Variants in TMEM242 observed in about 807,000 individuals in gnomAD.
TMEM242 encodes the protein UPF0463 transmembrane protein C6orf35.
In TMEM242, 10 loss-of-function variants were observed where a neutral mutation model predicts 18.2. The ratio of observed to expected loss-of-function variants is 0.55; its 90% confidence interval spans 0.34 to 0.93. The LOEUF (loss-of-function observed/expected upper bound fraction) is 0.93. TMEM242 is among the 40% of genes least tolerant of loss of function. TMEM242 has a pLI of 0.02. For missense variants in TMEM242, 186 were observed against 175.5 expected, an observed-to-expected ratio of 1.06 and a Z score of -0.34; for synonymous variants, 57 against 69.9, an observed-to-expected ratio of 0.81 and a Z score of 0.92.
At chr6:157,322,918 CTT>C (rs1778518732) in intron 1 of TMEM242, 113 bp from the exon 2 acceptor site, 9 of 908,836 alleles carry the variant, frequency 9.9e-6, no homozygotes, top group Non-Finnish European at 1.5e-5. Context: ...ATCAAAATCA[CTT>C]TTGAAATTCA....
At chr6:157,312,960 C>G (rs200277846) in intron 3 of TMEM242, among the ~76,000 whole-genome samples, 2 of 152,190 alleles carry the variant, frequency 1.3e-5, no homozygotes, top group African/African-American at 4.8e-5. Flanking sequence ...CCGGCCTCAT[C>G]ATAGTGCCTC....
At chr6:157,295,146 A>G (rs1405393835) in intron 3 of TMEM242, among the ~76,000 whole-genome samples, 2 of 152,214 alleles carry the variant, frequency 1.3e-5, no homozygotes, top group Admixed American at 6.5e-5. Context: ...TTTAGTTTAC[A>G]TATTCTGTCA....
chr6:157,298,464 G>C (rs1777780856), intron 3 of TMEM242, among the ~76,000 whole-genome samples: 1 of 152,112 alleles, frequency 6.6e-6, no homozygotes, highest in South Asian at 2.1e-4. Context: ...AAATGATCCT[G>C]CTTCACTGGT....
chr6:157,316,821 G>A (rs1554250382), intron 3 of TMEM242, among the ~76,000 whole-genome samples: 1 of 152,160 alleles, frequency 6.6e-6, no homozygotes. Flanking sequence ...AGTGAGCTGA[G>A]GTCACACCAC....
At chr6:157,312,091 C>CAG (rs1778152892) in intron 3 of TMEM242, among the ~76,000 whole-genome samples, 1 of 115,306 alleles carries the variant, frequency 8.7e-6, no homozygotes, top group Non-Finnish European at 1.8e-5. Flanking sequence ...ACATAGTGCC[C>CAG]TAGTGTCCCC....
chr6:157,316,281 C>A (rs1554250326), intron 3 of TMEM242, among the ~76,000 whole-genome samples: 1 of 152,134 alleles, frequency 6.6e-6, no homozygotes, highest in African/African-American at 2.4e-5. Context: ...TTGACACTGC[C>A]AATCACATGT....
At chr6:157,317,631 C>T (rs980037102) in intron 3 of TMEM242, among the ~76,000 whole-genome samples, 15 of 152,166 alleles carry the variant, frequency 9.9e-5, no homozygotes, top group African/African-American at 3.6e-4. Flanking sequence ...CCCTAACTCT[C>T]AACTTCTATA....
chr6:157,300,780 T>C (rs1261838668), intron 3 of TMEM242, among the ~76,000 whole-genome samples: 1 of 152,216 alleles, frequency 6.6e-6, no homozygotes, highest in Non-Finnish European at 1.5e-5. Context: ...TTTCTCATGC[T>C]AGAGGAAAGC....
chr6:157,318,968 A>G, intron 2 of TMEM242, 49 bp from the exon 3 acceptor site: 1 of 1,532,206 alleles, frequency 6.5e-7, no homozygotes. Context: ...TGCAGAAAGA[A>G]TAAGCATTCT....
At chr6:157,311,417 T>A (rs1554248778) in intron 3 of TMEM242, among the ~76,000 whole-genome samples, 7 of 127,136 alleles carry the variant, frequency 5.5e-5, no homozygotes, top group African/African-American at 1.2e-4. Context: ...TGTTCCAGTG[T>A]GCACGCATAC....
chr6:157,296,891 A>T (rs1777757334), intron 3 of TMEM242, among the ~76,000 whole-genome samples: 1 of 152,236 alleles, frequency 6.6e-6, no homozygotes, highest in Admixed American at 6.5e-5. Flanking sequence ...GCTCAAATGG[A>T]ATGTCAAGAC....
chr6:157,320,532 G>A (rs182381280), intron 2 of TMEM242, among the ~76,000 whole-genome samples: 372 of 152,144 alleles, frequency 2.4e-3, no homozygotes, highest in African/African-American at 8.1e-3. Flanking sequence ...GTGTAGTGGC[G>A]TGATCTCAGC....
At chr6:157,316,759 C>T (rs1778399154) in intron 3 of TMEM242, among the ~76,000 whole-genome samples, 1 of 152,030 alleles carries the variant, frequency 6.6e-6, no homozygotes, top group Non-Finnish European at 1.5e-5. Flanking sequence ...ATCTGTGGTC[C>T]CAGCTACACA....
At chr6:157,313,615 C>T (rs1554249876) in intron 3 of TMEM242, among the ~76,000 whole-genome samples, 2 of 149,274 alleles carry the variant, frequency 1.3e-5, no homozygotes, top group East Asian at 4.0e-4. Context: ...CATAGTGCCC[C>T]AGTGTGCTCT....
rs1777657079 is a variant in TMEM242 at position 157,289,629 on chromosome 6, G to T, written c.*3272C>A. 1 of 152,028 alleles carries T rather than the reference G, an allele frequency of 6.6e-6. No homozygotes were observed. Among genetic ancestry groups the T allele is most frequent in the Admixed American group, 6.5e-5 (1 of 15,274 alleles). The allele number at this position is 152,028 out of a possible 1,614,324, so 9.4% of individuals were successfully genotyped here. A position where few individuals can be genotyped will look rare whatever the true frequency, so the allele number is the denominator to read the frequency against. On this transcript the variant is annotated 3_prime_UTR_variant, in exon 4 of 4. Transcript: ENST00000400788. ...GATTTAATCTTGGAGATTAAATGTT[G>T]CCCCAAGTGAAATAGCTAAATTCAA...
At chr6:157,312,359 C>CCCCAGTGTGCG (rs1778176969) in intron 3 of TMEM242, among the ~76,000 whole-genome samples, 3 of 74,292 alleles carry the variant, frequency 4.0e-5, no homozygotes, top group Non-Finnish European at 5.5e-5. Flanking sequence ...CTCATCATGT[C>CCCCAGTGTGCG]CCAGTGTGCA....
chr6:157,311,057 C>A (rs1301706443), intron 3 of TMEM242, among the ~76,000 whole-genome samples: 1 of 148,866 alleles, frequency 6.7e-6, no homozygotes, highest in Non-Finnish European at 1.5e-5. Flanking sequence ...CTCACCTAAC[C>A]CCATCATAGT....
chr6:157,319,308 G>A (rs1778457567), intron 2 of TMEM242, among the ~76,000 whole-genome samples: 1 of 152,214 alleles, frequency 6.6e-6, no homozygotes, highest in African/African-American at 2.4e-5. Context: ...AACTTTGCAT[G>A]TGTGTAAACA....
chr6:157,289,194 T>G lies in TMEM242; in HGVS notation c.*3707A>C, dbSNP rs1313412242. Reference sequence around the variant, plus strand: ...TGGGTGGGAAAGTTGAAACGATATGTGCTTCTTGGTAGCTGTGATTCTAAT... The same window carrying G: ...TGGGTGGGAAAGTTGAAACGATATGGGCTTCTTGGTAGCTGTGATTCTAAT... On this transcript the variant is annotated 3_prime_UTR_variant, in exon 4 of 4. Transcript: ENST00000400788. Among the ~76,000 whole-genome samples, 1 of 152,218 alleles carries G rather than the reference T, an allele frequency of 6.6e-6. No homozygotes were observed. Among genetic ancestry groups the G allele is most frequent in the African/African-American group, 2.4e-5 (1 of 41,458 alleles).
Sources: gnomAD v4.1 joint callset for allele counts (sites outside exome capture counted in the v4.1 genomes callset) on GRCh38, gnomAD v4.1.1 for gene constraint, MANE v1.5 for transcripts, NCBI Gene and HGNC (gene_info 2026-07-23, HGNC 2026-07-21) for gene names.